Variants in KATNAL1 observed in about 807,000 individuals in gnomAD.
KATNAL1 encodes the protein katanin p60 ATPase-containing subunit A-like 1.
Under a neutral mutation model 55.2 loss-of-function variants are expected in KATNAL1, and 32 were observed. That is an observed-to-expected ratio of 0.58 (90% CI 0.44 to 0.78). KATNAL1 has a LOEUF of 0.78. KATNAL1 is among the 30% of genes least tolerant of loss of function. The pLI is 0.00. For missense variants in KATNAL1, 466 were observed against 600.9 expected, an observed-to-expected ratio of 0.78 and a Z score of 2.35; for synonymous variants, 193 against 193.6, an observed-to-expected ratio of 1.00 and a Z score of 0.02.
chr13:30,213,842 C>A (rs927024637), intron 9 of KATNAL1, among the ~76,000 whole-genome samples: 5 of 152,196 alleles, frequency 3.3e-5, no homozygotes, highest in African/African-American at 1.2e-4. Context: ...AAACTGGAAG[C>A]ATTCCCTTTG....
chr13:30,281,138 G>A (rs55683036), intron 2 of KATNAL1, among the ~76,000 whole-genome samples: 56,129 of 119,366 alleles, frequency 0.47, 15,505 homozygotes, highest in African/African-American at 0.7. Context: ...AAAAAAAAAA[G>A]AAAAGAAAAG....
chr13:30,243,432 G>C (rs1442401686), intron 4 of KATNAL1, among the ~76,000 whole-genome samples: 4 of 151,832 alleles, frequency 2.6e-5, no homozygotes, highest in African/African-American at 7.3e-5. Context: ...ACTAGCTCTG[G>C]GTCTTGCATT....
chr13:30,279,121 G>A (rs1881080562), intron 3 of KATNAL1, among the ~76,000 whole-genome samples: 1 of 152,162 alleles, frequency 6.6e-6, no homozygotes, highest in Non-Finnish European at 1.5e-5. Flanking sequence ...CCATAATAAA[G>A]CAGACAGAAA....
At chr13:30,223,335 G>A (rs55938666) in intron 9 of KATNAL1, among the ~76,000 whole-genome samples, 29,241 of 146,376 alleles carry the variant, frequency 0.2, 3,051 homozygotes, top group African/African-American at 0.24. Flanking sequence ...CCAGCTACTC[G>A]GGAGGCTGAG....
intron 4 of KATNAL1, among the ~76,000 whole-genome samples, chr13:30,246,956 C>CAT (rs1269044377): frequency 3.3e-5 from 5 of 152,186 alleles, no homozygotes; most frequent in Non-Finnish European, 5.9e-5. Context: ...AACTAAAACT[C>CAT]ATATACTGCC....
At chr13:30,243,170 C>T (rs894927982) in intron 4 of KATNAL1, among the ~76,000 whole-genome samples, 3 of 152,240 alleles carry the variant, frequency 2.0e-5, no homozygotes, top group Middle Eastern at 3.4e-3. Context: ...GGTTGATATA[C>T]TTTTTTTCTC....
chr13:30,252,937 G>A (rs1878458591), intron 4 of KATNAL1, among the ~76,000 whole-genome samples: 1 of 152,062 alleles, frequency 6.6e-6, no homozygotes, highest in Non-Finnish European at 1.5e-5. Flanking sequence ...AGTAGAGACG[G>A]GGTTACACTA....
intron 1 of KATNAL1, chr13:30,296,846 C>G (rs1366462280): frequency 2.7e-6 from 1 of 369,606 alleles, no homozygotes; most frequent in East Asian, 6.8e-5. Context: ...CAGACCTGCC[C>G]CTCCAAACAC....
intron 3 of KATNAL1, among the ~76,000 whole-genome samples, chr13:30,260,111 G>C (rs886338099): frequency 2.4e-4 from 36 of 152,328 alleles, no homozygotes; most frequent in Admixed American, 2.0e-4. Flanking sequence ...AGCAGGGGCA[G>C]ACTGACACCT....
chr13:30,218,159 A>G (rs1874483661), intron 9 of KATNAL1, among the ~76,000 whole-genome samples: 1 of 151,102 alleles, frequency 6.6e-6, no homozygotes, highest in South Asian at 2.1e-4. Flanking sequence ...GATAGATGCA[A>G]ATAGACACAG....
intron 4 of KATNAL1, among the ~76,000 whole-genome samples, chr13:30,241,576 C>T (rs747285473): frequency 2.6e-5 from 4 of 152,152 alleles, no homozygotes; most frequent in South Asian, 4.1e-4. Context: ...ACAGCTTTGA[C>T]GAGCTTTAAA....
intron 3 of KATNAL1, among the ~76,000 whole-genome samples, chr13:30,265,407 T>C (rs1593912816): frequency 9.8e-6 from 1 of 102,486 alleles, no homozygotes; most frequent in East Asian, 3.5e-4. Flanking sequence ...AATAAAAAAA[T>C]TAAAAAAAAA....
chr13:30,260,327 CA>C (rs1349379093), intron 3 of KATNAL1, among the ~76,000 whole-genome samples: 1 of 152,178 alleles, frequency 6.6e-6, no homozygotes, highest in African/African-American at 2.4e-5. Flanking sequence ...TCTCCTCCTC[CA>C]AAGGAATGCA....
chr13:30,304,523 C>G (rs1040756981), intron 1 of KATNAL1, among the ~76,000 whole-genome samples: 1 of 152,194 alleles, frequency 6.6e-6, no homozygotes, highest in African/African-American at 2.4e-5. Context: ...CCGCCTCAGC[C>G]TTCCAAAGTG....
chr13:30,218,106 A>G (rs1010959002), intron 9 of KATNAL1, among the ~76,000 whole-genome samples: 1 of 152,074 alleles, frequency 6.6e-6, no homozygotes, highest in African/African-American at 2.4e-5. Flanking sequence ...TGCGTGCAGC[A>G]GAATGGGGGA....
intron 8 of KATNAL1, among the ~76,000 whole-genome samples, chr13:30,230,160 C>A (rs74043066): frequency 4.1e-4 from 62 of 152,238 alleles, no homozygotes; most frequent in African/African-American, 1.4e-3. Flanking sequence ...TTTGACCTTG[C>A]AGATTCTTTA....
chr13:30,255,787 C>A (rs1220396808), intron 3 of KATNAL1, among the ~76,000 whole-genome samples, 172 bp from the exon 4 acceptor site: 2 of 152,012 alleles, frequency 1.3e-5, no homozygotes, highest in East Asian at 3.9e-4. Context: ...TTCCCAAATT[C>A]TTTTTTCTAA....
At chr13:30,296,489 G>A (rs1882504666) in intron 1 of KATNAL1, 3 of 736,144 alleles carry the variant, frequency 4.1e-6, no homozygotes, top group Non-Finnish European at 7.6e-6. Flanking sequence ...ATTACGGTGA[G>A]CTGAAAACAG....
Position 30,282,652 on chromosome 13 carries a change from AAAG to A in KATNAL1, c.162+961_162+963del, listed in dbSNP as rs1373352647. Among the ~76,000 whole-genome samples the A allele has an allele frequency of 2.7e-3, 387 of 142,398 alleles. 1 individual carries two copies. The highest frequency in any genetic ancestry group is 3.3e-3 in the Non-Finnish European group (204 of 61,988). The allele number at this position is 142,398 out of a possible 152,430, so 93.4% of individuals were successfully genotyped here. A position where few individuals can be genotyped will look rare whatever the true frequency, so the allele number is the denominator to read the frequency against. ...AACCCTGTCTCTTTAAAAAAAAAAAAAAGAAAGAAAGAAAGAAAGAGGCCTGGC... is the reference window on the plus strand; with the variant it reads ...AACCCTGTCTCTTTAAAAAAAAAAAAAAAGAAAGAAAGAAAGAGGCCTGGC... On this transcript the variant is annotated intron_variant, in intron 2 of 10. Coordinates refer to ENST00000380615, the MANE Select transcript of KATNAL1 (RefSeq NM_032116.5).
Sources: gnomAD v4.1 joint callset for allele counts (sites outside exome capture counted in the v4.1 genomes callset) on GRCh38, gnomAD v4.1.1 for gene constraint, MANE v1.5 for transcripts, NCBI Gene and HGNC (gene_info 2026-07-23, HGNC 2026-07-21) for gene names.